GPM6A: variants seen among roughly 807,000 people sequenced by gnomAD.
GPM6A encodes glycoprotein M6A, also known as neuronal membrane glycoprotein M6-a.
GPM6A carries 7 observed loss-of-function variants against 32.1 expected under a neutral mutation model. The ratio of observed to expected loss-of-function variants is 0.22; its 90% CI spans 0.12 to 0.41. The LOEUF is 0.41. GPM6A is among the 10% of genes least tolerant of loss of function. The probability of loss-of-function intolerance (pLI) is 1.00; values close to 1 mark genes in which losing one functional copy is unlikely to be tolerated. For synonymous variants in GPM6A, 130 were observed against 123.4 expected, an observed-to-expected ratio of 1.05 and a Z score of -0.35; for missense variants, 235 against 347.2, an observed-to-expected ratio of 0.68 and a Z score of 2.57.
chr4:175,741,690 AAT>A (rs1260072025), intron 1 of GPM6A, among the ~76,000 whole-genome samples: 26 of 152,130 alleles, frequency 1.7e-4, no homozygotes, highest in African/African-American at 6.3e-4. Context: ...TAGATTCTAG[AAT>A]CTTGCAACCC....
At chr4:175,949,607 C>G (rs141606982) in intron 1 of GPM6A, among the ~76,000 whole-genome samples, 1 of 152,210 alleles carries the variant, frequency 6.6e-6, no homozygotes, top group East Asian at 1.9e-4. Flanking sequence ...TAAGCTGAAC[C>G]ATAGCTAATA....
intron 1 of GPM6A, among the ~76,000 whole-genome samples, chr4:175,825,437 A>T (rs1045954651): frequency 6.6e-6 from 1 of 152,228 alleles, no homozygotes; most frequent in Non-Finnish European, 1.5e-5. Flanking sequence ...GGGCAAGTCC[A>T]TGAACACATA....
intron 1 of GPM6A, among the ~76,000 whole-genome samples, chr4:175,854,931 C>G (rs992584072): frequency 7.2e-5 from 11 of 152,134 alleles, no homozygotes; most frequent in African/African-American, 2.4e-4. Context: ...TTTGTTTCTA[C>G]CAGTAAGGGT....
In GPM6A at chr4:175,845,217, T is replaced by C. The variant is rs141136721; in HGVS notation, c.-22-32968A>G. Among the ~76,000 whole-genome samples, 1,313 of 152,298 alleles carry C rather than the reference T, an allele frequency of 8.6e-3. 53 individuals are homozygous for C. Among genetic ancestry groups the C allele is most frequent in the Admixed American group, 0.081 (1,230 of 15,274 alleles). ...ATTTTCTTTCCTAGTGGTGGATCTATGTAAATGAGATATAGGATTTTGTTT... is the reference window on the plus strand; with the variant it reads ...ATTTTCTTTCCTAGTGGTGGATCTACGTAAATGAGATATAGGATTTTGTTT... On this transcript the variant is annotated intron_variant, in intron 1 of 7. Transcript: ENST00000280187.
intron 1 of GPM6A, chr4:175,962,130 G>A: frequency 1.3e-6 from 1 of 787,770 alleles, no homozygotes; most frequent in South Asian, 1.3e-5. Flanking sequence ...TCCGGACCCA[G>A]TGACAATGTT....
intron 1 of GPM6A, among the ~76,000 whole-genome samples, chr4:175,730,213 T>G (rs1731357950): frequency 6.6e-6 from 1 of 152,092 alleles, no homozygotes; most frequent in Non-Finnish European, 1.5e-5. Context: ...GCTTGCATTT[T>G]TACATCTTTT....
chr4:175,754,978 C>T lies in GPM6A; in HGVS notation c.38-53211G>A, dbSNP rs139845377. On this transcript the variant is annotated intron_variant, in intron 1 of 6. Coordinates refer to ENST00000393658, the MANE Select transcript of GPM6A (RefSeq NM_201591.3). Reference sequence around the variant, plus strand: ...CTGTCTACTCCCCCCACAACACACACGCACACAATTACACATTTTGTAGGC... The same window carrying T: ...CTGTCTACTCCCCCCACAACACACATGCACACAATTACACATTTTGTAGGC... Among the ~76,000 whole-genome samples the T allele has an allele frequency of 1.9e-3, 286 of 152,114 alleles. 2 individuals carry two copies. Among genetic ancestry groups the T allele is most frequent in the African/African-American group, 6.5e-3 (270 of 41,530 alleles).
chr4:175,636,301 T>TATATATATATATATATATATATATATAC (rs1560840629), intron 6 of GPM6A, among the ~76,000 whole-genome samples: 1 of 130,754 alleles, frequency 7.6e-6, no homozygotes, highest in African/African-American at 3.0e-5. Flanking sequence ...TATATATACA[T>TATATATATATATATATATATATATATAC]ATATATATGG....
At chr4:175,872,127 T>C (rs1459055758) in intron 1 of GPM6A, among the ~76,000 whole-genome samples, 1 of 152,220 alleles carries the variant, frequency 6.6e-6, no homozygotes, top group Non-Finnish European at 1.5e-5. Flanking sequence ...AGCCAGCATT[T>C]GAAATCAATA....
chr4:176,002,376 CCA>C (rs1741514855), upstream of GPM6A: 6 of 1,557,716 alleles, frequency 3.9e-6, no homozygotes, highest in Non-Finnish European at 5.2e-6. Flanking sequence ...CTGCGCGGGG[CCA>C]AGTTCTCCAA....
intron 1 of GPM6A, among the ~76,000 whole-genome samples, chr4:175,890,403 T>C (rs1737603139): frequency 6.6e-6 from 1 of 152,152 alleles, no homozygotes; most frequent in African/African-American, 2.4e-5. Context: ...TGAAATTGAA[T>C]GTCCACGTAT....
chr4:175,677,861 G>T (rs531045175), intron 2 of GPM6A, among the ~76,000 whole-genome samples: 1 of 152,094 alleles, frequency 6.6e-6, no homozygotes, highest in African/African-American at 2.4e-5. Context: ...CATGAAAAAC[G>T]TGGTCACAGA....
chr4:175,939,344 A>G (rs1048605041), intron 1 of GPM6A, among the ~76,000 whole-genome samples: 2 of 152,306 alleles, frequency 1.3e-5, no homozygotes, highest in East Asian at 3.9e-4. Flanking sequence ...AGTATTTAGA[A>G]CTGTGAATAA....
chr4:175,817,601 C>A (rs1316068069), intron 1 of GPM6A, among the ~76,000 whole-genome samples: 1 of 151,730 alleles, frequency 6.6e-6, no homozygotes, highest in Non-Finnish European at 1.5e-5. Context: ...CTGACCTGAT[C>A]AAAGCAGGTG....
intron 3 of GPM6A, among the ~76,000 whole-genome samples, chr4:175,672,632 C>A (rs1579368348): frequency 6.6e-6 from 1 of 152,198 alleles, no homozygotes; most frequent in East Asian, 1.9e-4. Context: ...TAAATAATTT[C>A]AATAATAAGG....
intron 1 of GPM6A, among the ~76,000 whole-genome samples, chr4:175,846,108 T>C (rs1384846374): frequency 1.3e-5 from 2 of 152,106 alleles, no homozygotes; most frequent in African/African-American, 2.4e-5. Context: ...CGTAACATCG[T>C]GTCTCTACTC....
At chr4:175,889,689 T>C (rs1030107889) in intron 1 of GPM6A, among the ~76,000 whole-genome samples, 1 of 151,924 alleles carries the variant, frequency 6.6e-6, no homozygotes, top group South Asian at 2.1e-4. Flanking sequence ...GGCGGACGCC[T>C]GTAGTCCCAG....
chr4:175,966,229 C>T (rs887499463), intron 1 of GPM6A, among the ~76,000 whole-genome samples: 1 of 151,706 alleles, frequency 6.6e-6, no homozygotes, highest in Non-Finnish European at 1.5e-5. Flanking sequence ...TGGTGAAGTT[C>T]TGTCTCTACT....
chr4:175,822,386 G>A (rs567063250), intron 1 of GPM6A, among the ~76,000 whole-genome samples: 10 of 152,046 alleles, frequency 6.6e-5, no homozygotes, highest in East Asian at 5.8e-4. Context: ...TAGGAGAATC[G>A]TTTATTAAAA....
Sources: allele counts gnomAD v4.1 joint callset (sites outside exome capture counted in the v4.1 genomes callset), GRCh38; gene constraint gnomAD v4.1.1; transcripts MANE v1.5; gene names NCBI Gene and HGNC (gene_info 2026-07-23, HGNC 2026-07-21).